The following WDPCP variants were observed in gnomAD, a reference collection of about 807,000 sequenced individuals.
WDPCP encodes the protein WD repeat containing planar cell polarity effector, also known as WD repeat-containing and planar cell polarity effector protein fritz homolog.
WDPCP carries 71 observed loss-of-function variants against 93.1 expected under a neutral mutation model. The ratio of observed to expected loss-of-function variants is 0.76; its 90% confidence interval spans 0.63 to 0.93. The LOEUF (loss-of-function observed/expected upper bound fraction) is 0.93, where lower values mean the gene tolerates loss of function less well. Ranked by LOEUF, WDPCP falls within the 40% of genes least tolerant of loss-of-function variation. WDPCP has a pLI of 0.00. For synonymous variants in WDPCP, 315 were observed against 315.0 expected (o/e 1.00, Z 0.00); for missense variants, 844 against 887.4 (o/e 0.95, Z 0.62).
At chr2:63,711,976 A>AT (rs954808109) in intron 2 of WDPCP, among the ~76,000 whole-genome samples, 81 of 149,156 alleles carry the variant, frequency 5.4e-4, no homozygotes, top group African/African-American at 8.1e-4. Context: ...ACATTTAAGG[A>AT]TTTTTTTTTT....
chr2:63,335,426 A>ATT (rs34221663), intron 12 of WDPCP, among the ~76,000 whole-genome samples: 69,682 of 146,784 alleles, frequency 0.47, 18,292 homozygotes, highest in Admixed American at 0.59. Context: ...AGAATGAAAG[A>ATT]TTTTTTTTTT....
At position 63,714,025 on chromosome 2, in the gene WDPCP, C is replaced by T. The variant is rs576812032; in HGVS notation, n.309-63187G>A. 4.6e-5 allele frequency among the ~76,000 whole-genome samples: 7 copies of T among 151,182 alleles called. No individual in the cohort carries two copies. The South Asian group carries it at 8.4e-4, about 18-fold the overall frequency. ...AGAGGACAGTCAGCTAAAATATCTT[C>T]GCTGCGAACAACTATGTATCTTTTT... On this transcript the variant is annotated intron_variant and non_coding_transcript_variant, in intron 2 of 4. Coordinates refer to the WDPCP transcript ENST00000467687.
intron 11 of WDPCP, among the ~76,000 whole-genome samples, chr2:63,378,837 CA>C (rs1486235858): frequency 6.6e-6 from 1 of 152,122 alleles, no homozygotes; most frequent in African/African-American, 2.4e-5. Flanking sequence ...CCAGTAAAAT[CA>C]ACTCACAGTG....
intron 12 of WDPCP, among the ~76,000 whole-genome samples, chr2:63,339,313 T>C (rs539602533): frequency 1.3e-5 from 2 of 152,116 alleles, no homozygotes; most frequent in Admixed American, 6.6e-5. Flanking sequence ...AGCTGGACTA[T>C]AGGCACACGA....
intron 13 of WDPCP, among the ~76,000 whole-genome samples, chr2:63,308,309 TTCA>T (rs1685905665): frequency 6.6e-6 from 1 of 152,200 alleles, no homozygotes; most frequent in Non-Finnish European, 1.5e-5. Context: ...CACAAATTAG[TTCA>T]ACCATTGTGG....
At chr2:63,214,249 C>A (rs1272044129) in intron 14 of WDPCP, among the ~76,000 whole-genome samples, 1 of 152,156 alleles carries the variant, frequency 6.6e-6, no homozygotes, top group Admixed American at 6.5e-5. Flanking sequence ...CCGAATCCAG[C>A]CGCACATCAA....
At chr2:63,124,837 G>A (rs1669782728) in intron 17 of WDPCP, among the ~76,000 whole-genome samples, 2 of 151,758 alleles carry the variant, frequency 1.3e-5, no homozygotes, top group South Asian at 4.2e-4. Context: ...GCAGAGTTGG[G>A]ATTATAATTT....
intron 12 of WDPCP, among the ~76,000 whole-genome samples, chr2:63,364,273 T>C (rs1690718219): frequency 6.6e-6 from 1 of 152,196 alleles, no homozygotes; most frequent in Non-Finnish European, 1.5e-5. Context: ...AATATTTGCC[T>C]GTTGCCTCTA....
chr2:63,164,674 A>G (rs1235984870), intron 15 of WDPCP, among the ~76,000 whole-genome samples: 3 of 152,232 alleles, frequency 2.0e-5, no homozygotes, highest in Non-Finnish European at 2.9e-5. Flanking sequence ...GTATTTCTTT[A>G]TAAGAATGTG....
At chr2:63,369,787 A>G (rs920817110) in intron 12 of WDPCP, among the ~76,000 whole-genome samples, 7 of 152,198 alleles carry the variant, frequency 4.6e-5, no homozygotes, top group African/African-American at 7.2e-5. Context: ...AGCTTCTTAC[A>G]TAATCATGAT....
At chr2:63,795,116 T>C (rs1048262730) in intron 2 of WDPCP, among the ~76,000 whole-genome samples, 3 of 152,216 alleles carry the variant, frequency 2.0e-5, no homozygotes, top group African/African-American at 7.2e-5. Context: ...TTTAATACAA[T>C]TTGAGTTAGG....
chr2:63,341,741 G>A (rs562553619), intron 12 of WDPCP, among the ~76,000 whole-genome samples: 7 of 152,102 alleles, frequency 4.6e-5, no homozygotes, highest in East Asian at 3.9e-4. Context: ...TGTTAAATAT[G>A]TAATATCTTC....
intron 2 of WDPCP, among the ~76,000 whole-genome samples, chr2:63,794,038 T>C (rs541180337): frequency 2.6e-5 from 4 of 152,132 alleles, no homozygotes; most frequent in African/African-American, 9.6e-5. Flanking sequence ...AAATATTAGG[T>C]GAAAGATGTT....
At chr2:63,403,913 T>C (rs1456908591) in intron 10 of WDPCP, 135 bp downstream of exon 10, 15 of 1,235,546 alleles carry the variant, frequency 1.2e-5, no homozygotes, top group Non-Finnish European at 1.6e-5. Context: ...GGGAACTATA[T>C]GGATATTTGA....
At chr2:63,433,625 G>T in intron 9 of WDPCP, 120 bp downstream of exon 9, 1 of 1,086,478 alleles carries the variant, frequency 9.2e-7, no homozygotes, top group African/African-American at 1.6e-5. Context: ...GATACTTTTT[G>T]AATATTTGAA....
intron 12 of WDPCP, among the ~76,000 whole-genome samples, chr2:63,346,945 T>A (rs900151137): frequency 6.6e-6 from 1 of 152,156 alleles, no homozygotes; most frequent in Admixed American, 6.6e-5. Context: ...TAAAGACAAA[T>A]TTTCAGTGCA....
intron 2 of WDPCP, among the ~76,000 whole-genome samples, chr2:63,755,420 T>C (rs1425667379): frequency 1.3e-5 from 2 of 152,224 alleles, no homozygotes; most frequent in Non-Finnish European, 2.9e-5. Flanking sequence ...TGGTTAGCCA[T>C]GTGCCTTTTA....
intron 1 of WDPCP, among the ~76,000 whole-genome samples, chr2:63,506,339 A>G (rs1187697900): frequency 6.6e-6 from 1 of 152,052 alleles, no homozygotes; most frequent in Non-Finnish European, 1.5e-5. Context: ...TTGGCAACAT[A>G]TACAAAGTCC....
chr2:63,510,924 T>C (rs1702194418), intron 1 of WDPCP, among the ~76,000 whole-genome samples: 1 of 152,030 alleles, frequency 6.6e-6, no homozygotes, highest in Non-Finnish European at 1.5e-5. Context: ...TACAGTGAGC[T>C]GAGATCAAGC....
Sources: allele counts gnomAD v4.1 joint callset (sites outside exome capture counted in the v4.1 genomes callset), GRCh38; gene constraint gnomAD v4.1.1; transcripts MANE v1.5; gene names NCBI Gene and HGNC (gene_info 2026-07-23, HGNC 2026-07-21).